DLGAP2: variants seen among roughly 807,000 people sequenced by gnomAD.
The protein encoded by DLGAP2 is disks large-associated protein 2.
In DLGAP2, 26 loss-of-function variants were observed where a neutral mutation model predicts 100.3. The observed-to-expected ratio is 0.26, with a 90% CI of 0.19 to 0.36. The LOEUF is 0.36. Among genes scored for constraint, DLGAP2 ranks in the 10% least tolerant of loss-of-function variants. The pLI is 1.00. For synonymous variants in DLGAP2, 886 were observed against 630.1 expected (o/e 1.41, Z -6.08); for missense variants, 1,858 against 1,453.2 (o/e 1.28, Z -4.53).
rs112438720 is a variant in DLGAP2, at chr8:943,590, C to T, written c.73+35624C>T. ...ATCCCGCCACAAGCACAGCGAGAAC[C>T]GCTCTGTACACGATCATGTGGAGGA... On this transcript the variant is annotated intron_variant, in intron 2 of 14. Transcript: ENST00000637795. 8.5e-3 allele frequency among the ~76,000 whole-genome samples: 1,294 copies of T among 152,020 alleles called. 20 individuals carry two copies. Among genetic ancestry groups the T allele is most frequent in the African/African-American group, 0.029 (1,199 of 41,420 alleles).
intron 1 of DLGAP2, among the ~76,000 whole-genome samples, chr8:793,406 T>G (rs1585868601): frequency 6.6e-6 from 1 of 152,310 alleles, no homozygotes; most frequent in Admixed American, 6.5e-5. Flanking sequence ...CCCTGATGAT[T>G]TTACCCATTT....
chr8:1,548,758 C>T lies in DLGAP2; in HGVS notation c.305C>T (p.Ala102Val), dbSNP rs200906543. 2,398 of 1,601,284 alleles carry T rather than the reference C, an allele frequency of 1.5e-3. 35 individuals carry two copies. In the African/African-American group the frequency reaches 0.017, roughly 11 times the overall value. The change falls in exon 5 of 15, where the codon GCG (alanine) becomes GTG (valine). Residue 102 changes from alanine (A) to valine (V), a missense_variant. Coordinates refer to ENST00000637795, the MANE Select transcript of DLGAP2 (RefSeq NM_001346810.2). ...PLCSGHTCGL[A>V]PPEDCEHLHH... ...TGTTCCGGGCACACGTGTGGTCTGGCGCCCCCGGAGGACTGCGAGCACCTG... is the reference window on the plus strand; with the variant it reads ...TGTTCCGGGCACACGTGTGGTCTGGTGCCCCCGGAGGACTGCGAGCACCTG...
chr8:1,633,269 T>A (rs7003984), intron 8 of DLGAP2, among the ~76,000 whole-genome samples: 2 of 151,974 alleles, frequency 1.3e-5, no homozygotes, highest in African/African-American at 2.4e-5. Flanking sequence ...CATTAGCAAG[T>A]TTCCTTAAAA....
At chr8:1,413,900 CTTGT>C (rs1304491020) in intron 3 of DLGAP2, among the ~76,000 whole-genome samples, 1 of 151,858 alleles carries the variant, frequency 6.6e-6, no homozygotes, top group African/African-American at 2.4e-5. Flanking sequence ...ATGGTGAATT[CTTGT>C]TTATCATTTT....
At chr8:1,655,472 A>G (rs778658544) in intron 8 of DLGAP2, among the ~76,000 whole-genome samples, 6 of 152,234 alleles carry the variant, frequency 3.9e-5, no homozygotes, top group South Asian at 2.1e-4. Flanking sequence ...GGGATATTTT[A>G]TCTTGATTAC....
chr8:989,582 G>A (rs1314594473), intron 2 of DLGAP2, among the ~76,000 whole-genome samples: 1 of 152,088 alleles, frequency 6.6e-6, no homozygotes, highest in Non-Finnish European at 1.5e-5. Context: ...AGCTCTTCCT[G>A]CCCTGGGGTC....
At chr8:1,461,140 G>C (rs1237023658) in intron 3 of DLGAP2, among the ~76,000 whole-genome samples, 1 of 151,090 alleles carries the variant, frequency 6.6e-6, no homozygotes, top group Admixed American at 6.6e-5. Flanking sequence ...TGGCCAGGAG[G>C]AGGGAGAAGG....
At chr8:1,422,561 TAAA>T (rs372845289) in intron 3 of DLGAP2, among the ~76,000 whole-genome samples, 8 of 136,344 alleles carry the variant, frequency 5.9e-5, no homozygotes, top group Admixed American at 1.5e-4. Context: ...TCTTTGACAT[TAAA>T]AAAAAAAAAA....
chr8:1,299,288 C>T (rs562228722), intron 3 of DLGAP2, among the ~76,000 whole-genome samples: 16 of 152,208 alleles, frequency 1.1e-4, no homozygotes, highest in African/African-American at 3.6e-4. Flanking sequence ...CCCAGGGTGC[C>T]GCATGGATGG....
chr8:1,403,983 G>C (rs1446397317), intron 3 of DLGAP2, among the ~76,000 whole-genome samples: 1 of 29,138 alleles, frequency 3.4e-5, no homozygotes, highest in Non-Finnish European at 6.0e-5. Flanking sequence ...CGTGTATTGA[G>C]TGCTTACTGA....
chr8:1,087,333 G>T (rs557812917), intron 2 of DLGAP2, among the ~76,000 whole-genome samples: 2 of 152,148 alleles, frequency 1.3e-5, no homozygotes, highest in Non-Finnish European at 2.9e-5. Flanking sequence ...TTCATCCGCT[G>T]TGTCCTCCAG....
intron 11 of DLGAP2, among the ~76,000 whole-genome samples, chr8:1,676,928 A>G (rs187613530): frequency 5.9e-5 from 9 of 152,368 alleles, no homozygotes; most frequent in Admixed American, 3.3e-4. Context: ...GGTGACGCCA[A>G]TGCAGGCCTT....
At chr8:1,359,523 C>T (rs538248323) in intron 3 of DLGAP2, among the ~76,000 whole-genome samples, 3 of 152,362 alleles carry the variant, frequency 2.0e-5, no homozygotes, top group Non-Finnish European at 2.9e-5. Flanking sequence ...CAAGCTGGTT[C>T]GTGGGGACCA....
intron 4 of DLGAP2, among the ~76,000 whole-genome samples, chr8:1,502,923 A>G (rs1859679): frequency 0.76 from 115,062 of 151,996 alleles, 43,746 homozygotes; most frequent in Admixed American, 0.8. Context: ...GGCACAGTGA[A>G]AAGAACCTGG....
intron 2 of DLGAP2, among the ~76,000 whole-genome samples, chr8:1,151,954 C>A (rs7832117): frequency 0.26 from 39,143 of 152,210 alleles, 5,246 homozygotes; most frequent in Middle Eastern, 0.38. Flanking sequence ...TGTTGGAATA[C>A]ATGTTGGTTC....
chr8:1,373,346 C>A (rs998104630), intron 3 of DLGAP2, among the ~76,000 whole-genome samples: 2 of 151,820 alleles, frequency 1.3e-5, no homozygotes, highest in African/African-American at 4.8e-5. Context: ...AGGCGCCGCG[C>A]CTGGACCGTG....
intron 3 of DLGAP2, among the ~76,000 whole-genome samples, chr8:1,376,285 G>C (rs1278251205): frequency 2.0e-5 from 3 of 152,244 alleles, no homozygotes; most frequent in Non-Finnish European, 4.4e-5. Context: ...CCTCCTAGGA[G>C]ACAAACCAGG....
intron 1 of DLGAP2, among the ~76,000 whole-genome samples, chr8:856,222 C>G: frequency 8.0e-6 from 1 of 125,402 alleles, no homozygotes; most frequent in Non-Finnish European, 1.6e-5. Context: ...GAGTTTCGCT[C>G]TTGTTGCCCA....
intron 3 of DLGAP2, chr8:1,296,284 G>C (rs1437607831): frequency 6.9e-6 from 1 of 144,000 alleles, no homozygotes; most frequent in Admixed American, 7.1e-5. Context: ...TCCATCTTGG[G>C]TTCTTTTCTA....
Sources: allele counts gnomAD v4.1 joint callset (sites outside exome capture counted in the v4.1 genomes callset), GRCh38; gene constraint gnomAD v4.1.1; transcripts MANE v1.5; gene names NCBI Gene and HGNC (gene_info 2026-07-23, HGNC 2026-07-21).